The following CACNA1B variants were observed in gnomAD, a reference collection of about 807,000 sequenced individuals.
CACNA1B encodes the protein calcium voltage-gated channel subunit alpha1 B.
Under a neutral mutation model 247.2 loss-of-function variants are expected in CACNA1B, and 70 were observed. That is an observed-to-expected ratio of 0.28 (90% confidence interval 0.23 to 0.35). The LOEUF is 0.35. Among genes scored for constraint, CACNA1B ranks in the 10% least tolerant of loss-of-function variants. CACNA1B has a pLI of 1.00. For synonymous variants in CACNA1B, 1,231 were observed against 1,294.4 expected, an observed-to-expected ratio of 0.95 and a Z score of 1.05; for missense variants, 2,367 against 3,197.4, an observed-to-expected ratio of 0.74 and a Z score of 6.26.
chr9:138,067,679 A>G (rs1327665894), intron 31 of CACNA1B, among the ~76,000 whole-genome samples: 2 of 152,248 alleles, frequency 1.3e-5, no homozygotes, highest in East Asian at 3.9e-4. Context: ...AGCCTGGGCA[A>G]CAGAGTAAGA....
At chr9:137,925,230 C>T (rs1375741053) in intron 6 of CACNA1B, among the ~76,000 whole-genome samples, 1 of 152,248 alleles carries the variant, frequency 6.6e-6, no homozygotes. Context: ...GCCATCCTCC[C>T]TCCCCAGGTT....
At chr9:137,951,941 A>C (rs1012916852) in intron 6 of CACNA1B, among the ~76,000 whole-genome samples, 1 of 152,148 alleles carries the variant, frequency 6.6e-6, no homozygotes, top group Non-Finnish European at 1.5e-5. Flanking sequence ...TTGGGTGCTC[A>C]TGCCACCTCG....
Position 138,059,193 on chromosome 9 carries a change from C to A in CACNA1B, c.4584+4C>A. The A allele has an allele frequency of 6.4e-7, 1 of 1,570,916 alleles. No individual in the cohort carries two copies. The highest frequency in any genetic ancestry group is 8.8e-7 in the Non-Finnish European group (1 of 1,141,316). On this transcript the variant is annotated splice_donor_region_variant and intron_variant, in intron 30 of 46. Coordinates refer to ENST00000371372, the MANE Select transcript of CACNA1B (RefSeq NM_000718.4). The surrounding 1 kb of genome is among the most constrained non-coding windows in gnomAD (Gnocchi z 4.2). ...GATCATCGCCTTTGGGGTGCTGGTACGTGCTTTGGTCCCTGCTTTGCCTTT... is the reference window on the plus strand; with the variant it reads ...GATCATCGCCTTTGGGGTGCTGGTAAGTGCTTTGGTCCCTGCTTTGCCTTT...
Position 137,974,891 on chromosome 9 carries a change from G to T in CACNA1B, c.1544-1016G>T, listed in dbSNP as rs1011646350. Among the ~76,000 whole-genome samples the T allele has an allele frequency of 6.6e-6, 1 of 152,216 alleles. No homozygotes were observed. Among genetic ancestry groups the T allele is most frequent in the African/African-American group, 2.4e-5 (1 of 41,474 alleles). On this transcript the variant is annotated intron_variant, in intron 11 of 46. Transcript: ENST00000371372. This position sits in a 1 kb window ranked among gnomAD's most constrained non-coding sequence, Gnocchi z 4.5. ...CCCCTGCTGACCTGGCAGAGCCATG[G>T]TGCCTTTGGCCTGACCAGCACTGTG...
At chr9:138,119,502 T>C (rs899202032) in intron 44 of CACNA1B, among the ~76,000 whole-genome samples, 5 of 152,172 alleles carry the variant, frequency 3.3e-5, no homozygotes, top group African/African-American at 1.2e-4. Flanking sequence ...CGACCTGGGC[T>C]GTGGAGCTGT....
In CACNA1B at chr9:137,891,853, G is replaced by C; in HGVS notation, c.530+8970G>C. Reference sequence around the variant, plus strand: ...CGCTAACGCAGATTCATTCCTAGCAGGTCACATGGTAGCACCCCCCACCCA... The same window carrying C: ...CGCTAACGCAGATTCATTCCTAGCACGTCACATGGTAGCACCCCCCACCCA... On this transcript the variant is annotated intron_variant, in intron 3 of 46. Coordinates refer to ENST00000371372, the MANE Select transcript of CACNA1B (RefSeq NM_000718.4). The surrounding 1 kb of genome is among the most constrained non-coding windows in gnomAD (Gnocchi z 4.3). The C allele has an allele frequency of 2.8e-6, 1 of 359,360 alleles. No individual in the cohort carries two copies. Among genetic ancestry groups the C allele is most frequent in the African/African-American group, 2.1e-5 (1 of 46,876 alleles). 22.3% of individuals were successfully genotyped at this position (359,360 alleles called of 1,614,324 possible).
Position 137,914,234 on chromosome 9 carries a change from T to C in CACNA1B, c.623-420T>C, listed in dbSNP as rs1957387510. 6.6e-6 allele frequency among the ~76,000 whole-genome samples: 1 copy of C among 152,044 alleles called. No homozygotes were observed. The highest frequency in any genetic ancestry group is 2.1e-4 in the South Asian group (1 of 4,832). On this transcript the variant is annotated intron_variant, in intron 4 of 46. Transcript: ENST00000371372. This position sits in a 1 kb window ranked among gnomAD's most constrained non-coding sequence, Gnocchi z 4.3. ...CCCAGCATTCTCTGCTCTTCCCTCC[T>C]AGAATTCCCTGTTCTTTCCTCTCAG...
intron 15 of CACNA1B, among the ~76,000 whole-genome samples, chr9:137,994,274 C>T (rs1238907167): frequency 3.9e-5 from 6 of 152,222 alleles, no homozygotes; most frequent in African/African-American, 1.2e-4. Context: ...AAGTATTCTC[C>T]CAAGAACTGG....
chr9:137,994,434 T>A (rs1439183239), intron 15 of CACNA1B, among the ~76,000 whole-genome samples: 3 of 152,226 alleles, frequency 2.0e-5, no homozygotes, highest in Admixed American at 6.5e-5. Context: ...GATGATATGA[T>A]TATTTATGTT....
intron 39 of CACNA1B, among the ~76,000 whole-genome samples, chr9:138,108,029 A>C (rs1296067302): frequency 8.0e-6 from 1 of 125,188 alleles, no homozygotes; most frequent in Non-Finnish European, 1.6e-5. Context: ...ACCAGAGGAC[A>C]AAAAAAAAAA....
intron 5 of CACNA1B, among the ~76,000 whole-genome samples, chr9:137,916,323 G>A (rs558989130): frequency 2.4e-4 from 37 of 152,274 alleles, no homozygotes; most frequent in Middle Eastern, 3.4e-3. Flanking sequence ...GTGAGCCACC[G>A]TGCCTGGCCT....
rs376164423 is a variant in CACNA1B at position 137,888,125 on chromosome 9, C to G, written c.530+5242C>G. Among the ~76,000 whole-genome samples, 1 of 151,650 alleles carries G rather than the reference C, an allele frequency of 6.6e-6. No homozygotes were observed. The highest frequency in any genetic ancestry group is 1.5e-5 in the Non-Finnish European group (1 of 67,878). ...GACGGTAGGGAAGGAGAGTGGGAGCCGGAAGCAGTGATCCAGGTGGGAGTG... is the reference window on the plus strand; with the variant it reads ...GACGGTAGGGAAGGAGAGTGGGAGCGGGAAGCAGTGATCCAGGTGGGAGTG... On this transcript the variant is annotated intron_variant, in intron 3 of 46. Coordinates refer to ENST00000371372, the MANE Select transcript of CACNA1B (RefSeq NM_000718.4). The surrounding 1 kb of genome is among the most constrained non-coding windows in gnomAD (Gnocchi z 4.7).
intron 12 of CACNA1B, among the ~76,000 whole-genome samples, chr9:137,980,042 C>T (rs1958276207): frequency 6.6e-6 from 1 of 152,218 alleles, no homozygotes; most frequent in African/African-American, 2.4e-5. Flanking sequence ...ACTCCCTTTG[C>T]TTTTCCATGA....
Position 138,054,625 on chromosome 9 carries a change from G to A in CACNA1B, c.3968+619G>A, listed in dbSNP as rs1279737828. 6.6e-6 allele frequency among the ~76,000 whole-genome samples: 1 copy of A among 152,234 alleles called. No individual in the cohort carries two copies. Among genetic ancestry groups the A allele is most frequent in the Admixed American group, 6.5e-5 (1 of 15,288 alleles). ...ACTGATGGGCACTTGGCTGTTTGCA[G>A]CTGGGAATGCTGCACGTGCACACGT... is the stretch of plus-strand genomic sequence containing the variant. On this transcript the variant is annotated intron_variant, in intron 26 of 46. Transcript: ENST00000371372. The surrounding 1 kb of genome is among the most constrained non-coding windows in gnomAD (Gnocchi z 4.6).
At chr9:138,013,068 C>A in intron 17 of CACNA1B, 61 bp from the exon 18 acceptor site, 4 of 1,174,920 alleles carry the variant, frequency 3.4e-6, no homozygotes, top group Non-Finnish European at 5.1e-6. Flanking sequence ...TTATATATAG[C>A]CAGTGTTAGA....
At chr9:138,053,590 A>G (rs1444195033) in intron 25 of CACNA1B, among the ~76,000 whole-genome samples, 4 of 118,554 alleles carry the variant, frequency 3.4e-5, no homozygotes, top group African/African-American at 1.5e-4. Flanking sequence ...TCCTCCCCTC[A>G]TGGCCCCACC....
chr9:138,027,460 A>G (rs1400024174), intron 20 of CACNA1B, among the ~76,000 whole-genome samples: 1 of 152,190 alleles, frequency 6.6e-6, no homozygotes, highest in Non-Finnish European at 1.5e-5. Flanking sequence ...TAAGTCTTAC[A>G]CCACTCATTA....
chr9:138,109,765 T>C (rs879339855), intron 39 of CACNA1B, among the ~76,000 whole-genome samples: 1 of 152,154 alleles, frequency 6.6e-6, no homozygotes, highest in Admixed American at 6.5e-5. Context: ...TCTAAAATTA[T>C]GAAACCTGTA....
At chr9:137,886,372 C>T (rs1335146737) in intron 3 of CACNA1B, among the ~76,000 whole-genome samples, 1 of 152,232 alleles carries the variant, frequency 6.6e-6, no homozygotes, top group Non-Finnish European at 1.5e-5. Context: ...AAGGCCACCA[C>T]TTCCCTGCCT....
Sources: allele counts gnomAD v4.1 joint callset (sites outside exome capture counted in the v4.1 genomes callset), GRCh38; gene constraint gnomAD v4.1.1; non-coding constraint Gnocchi (gnomAD v3.1); transcripts MANE v1.5; gene names NCBI Gene and HGNC (gene_info 2026-07-23, HGNC 2026-07-21).